OPCML: variants seen among roughly 807,000 people sequenced by gnomAD.
OPCML encodes the protein opioid-binding protein/cell adhesion molecule.
In OPCML, 13 loss-of-function variants were observed where a neutral mutation model predicts 37.8. The ratio of observed to expected loss-of-function variants is 0.34; its 90% CI spans 0.22 to 0.55. The LOEUF (loss-of-function observed/expected upper bound fraction) is 0.55, where lower values mean the gene tolerates loss of function less well. Ranked by LOEUF, OPCML falls within the 20% of genes least tolerant of loss-of-function variation. The pLI is 0.91. For missense variants in OPCML, 341 were observed against 435.6 expected (o/e 0.78, Z 1.93); for synonymous variants, 176 against 168.8 (o/e 1.04, Z -0.33).
intron 2 of OPCML, among the ~76,000 whole-genome samples, chr11:132,749,316 G>C (rs551382707): frequency 6.6e-6 from 1 of 152,148 alleles, no homozygotes; most frequent in Non-Finnish European, 1.5e-5. Context: ...ACTATGACAG[G>C]CTGTAAGATA....
intron 1 of OPCML, among the ~76,000 whole-genome samples, chr11:133,479,136 T>A (rs1356528580): frequency 6.6e-6 from 1 of 152,234 alleles, no homozygotes; most frequent in Non-Finnish European, 1.5e-5. Context: ...AATCTGTGTT[T>A]CTCAGTTGGT....
intron 2 of OPCML, among the ~76,000 whole-genome samples, chr11:132,938,480 TGTGA>T (rs1945468276): frequency 6.6e-6 from 1 of 152,202 alleles, no homozygotes; most frequent in African/African-American, 2.4e-5. Flanking sequence ...GAAAAAAATG[TGTGA>T]GTATTGTCAG....
intron 2 of OPCML, among the ~76,000 whole-genome samples, chr11:132,733,719 GTGT>G (rs1945161560): frequency 6.6e-6 from 1 of 152,166 alleles, no homozygotes; most frequent in African/African-American, 2.4e-5. Context: ...ACCGTGGTAA[GTGT>G]TGTGGAAAAC....
At chr11:132,953,504 C>T (rs919873127) in intron 1 of OPCML, among the ~76,000 whole-genome samples, 5 of 152,186 alleles carry the variant, frequency 3.3e-5, no homozygotes, top group Non-Finnish European at 5.9e-5. Context: ...ATAAAATCAG[C>T]CTCATTGCTT....
intron 4 of OPCML, among the ~76,000 whole-genome samples, chr11:132,507,048 A>T (rs1241569168): frequency 6.6e-6 from 1 of 152,018 alleles, no homozygotes; most frequent in Non-Finnish European, 1.5e-5. Context: ...AACAAAATCA[A>T]AGTAGGAAAT....
intron 2 of OPCML, among the ~76,000 whole-genome samples, chr11:132,934,220 G>A (rs183611495): frequency 3.9e-5 from 6 of 152,250 alleles, no homozygotes; most frequent in East Asian, 3.9e-4. Flanking sequence ...CAGTCAGAGC[G>A]GGGTTAAGGG....
At chr11:133,027,686 G>C (rs1947584991) in intron 1 of OPCML, among the ~76,000 whole-genome samples, 1 of 78,884 alleles carries the variant, frequency 1.3e-5, no homozygotes, top group Non-Finnish European at 2.7e-5. Context: ...GGGATGGTGT[G>C]TGTGGGTGGT....
chr11:133,105,414 G>A (rs80280924), intron 1 of OPCML, among the ~76,000 whole-genome samples: 1 of 152,176 alleles, frequency 6.6e-6, no homozygotes, highest in Non-Finnish European at 1.5e-5. Flanking sequence ...GGTATAGGTT[G>A]ATTTAATCAT....
At chr11:133,056,662 C>G (rs1948244662) in intron 1 of OPCML, among the ~76,000 whole-genome samples, 1 of 152,186 alleles carries the variant, frequency 6.6e-6, no homozygotes, top group Non-Finnish European at 1.5e-5. Flanking sequence ...CAGCCTGATT[C>G]TAATCACATT....
At chr11:133,227,462 C>T (rs1393324323) in intron 1 of OPCML, among the ~76,000 whole-genome samples, 2 of 152,104 alleles carry the variant, frequency 1.3e-5, no homozygotes, top group Non-Finnish European at 2.9e-5. Flanking sequence ...GCTGAGGACA[C>T]GAATCCCACA....
intron 1 of OPCML, among the ~76,000 whole-genome samples, chr11:133,530,001 A>G (rs1948571427): frequency 6.6e-6 from 1 of 152,152 alleles, no homozygotes; most frequent in Non-Finnish European, 1.5e-5. Flanking sequence ...AATTAGCATA[A>G]GAGTAGCCCT....
At chr11:133,083,107 G>T (rs1948762473) in intron 1 of OPCML, among the ~76,000 whole-genome samples, 1 of 151,992 alleles carries the variant, frequency 6.6e-6, no homozygotes, top group South Asian at 2.1e-4. Flanking sequence ...ACCCGTGTGC[G>T]CACCACACTC....
chr11:133,182,993 T>C (rs776461716), intron 1 of OPCML, among the ~76,000 whole-genome samples: 1 of 151,774 alleles, frequency 6.6e-6, no homozygotes, highest in Non-Finnish European at 1.5e-5. Flanking sequence ...ATTGAAAACG[T>C]GATAATTTTG....
intron 3 of OPCML, among the ~76,000 whole-genome samples, chr11:132,585,049 T>C (rs780886123): frequency 6.6e-6 from 1 of 152,198 alleles, no homozygotes; most frequent in Non-Finnish European, 1.5e-5. Context: ...AGTTGACTTA[T>C]GGTTCACTAT....
At chr11:133,357,178 T>C (rs1366751540) in intron 1 of OPCML, among the ~76,000 whole-genome samples, 2 of 152,316 alleles carry the variant, frequency 1.3e-5, no homozygotes, top group East Asian at 3.9e-4. Flanking sequence ...ATGGTCGTTG[T>C]TAGGAAACAA....
chr11:132,593,069 G>A (rs753700543), intron 3 of OPCML, among the ~76,000 whole-genome samples: 1 of 152,180 alleles, frequency 6.6e-6, no homozygotes, highest in Non-Finnish European at 1.5e-5. Flanking sequence ...AATTAAGAAA[G>A]TAAAAGACTA....
chr11:133,193,412 T>C (rs994000312), intron 1 of OPCML, among the ~76,000 whole-genome samples: 1 of 152,176 alleles, frequency 6.6e-6, no homozygotes, highest in Non-Finnish European at 1.5e-5. Flanking sequence ...GAAATTAAAT[T>C]ATGGGTAACT....
intron 1 of OPCML, among the ~76,000 whole-genome samples, chr11:133,340,822 G>A (rs563161336): frequency 4.3e-4 from 66 of 152,160 alleles, no homozygotes; most frequent in Non-Finnish European, 7.9e-4. Flanking sequence ...TTTCTGTGAC[G>A]AAGGGGGAAA....
chr11:132,928,689 A>G (rs892399411), intron 2 of OPCML, among the ~76,000 whole-genome samples: 5 of 152,054 alleles, frequency 3.3e-5, no homozygotes, highest in African/African-American at 1.2e-4. Context: ...AGTGGACATA[A>G]AACATTCTTC....
Sources: gnomAD v4.1 joint callset for allele counts (sites outside exome capture counted in the v4.1 genomes callset) on GRCh38, gnomAD v4.1.1 for gene constraint, MANE v1.5 for transcripts, NCBI Gene and HGNC (gene_info 2026-07-23, HGNC 2026-07-21) for gene names.